Variants in MFHAS1 observed in about 807,000 individuals in gnomAD.
MFHAS1 encodes the protein malignant fibrous histiocytoma-amplified sequence 1.
MFHAS1 carries 50 observed loss-of-function variants against 70.4 expected under a neutral mutation model. The ratio of observed to expected loss-of-function variants is 0.71; its 90% CI spans 0.57 to 0.90. The LOEUF is 0.90. MFHAS1 is among the 40% of genes least tolerant of loss of function. The pLI, the probability that MFHAS1 is intolerant of heterozygous loss-of-function variation, is 0.00. For synonymous variants in MFHAS1, 952 were observed against 620.0 expected, an observed-to-expected ratio of 1.54 and a Z score of -7.96; for missense variants, 1,795 against 1,347.6, an observed-to-expected ratio of 1.33 and a Z score of -5.20.
chr8:8,823,408 G>A (rs1807039512), intron 1 of MFHAS1, among the ~76,000 whole-genome samples: 4 of 152,130 alleles, frequency 2.6e-5, no homozygotes. Flanking sequence ...TCCGATCCTG[G>A]TGCTGCGCTA....
chr8:8,804,907 C>T (rs73664811), intron 1 of MFHAS1, among the ~76,000 whole-genome samples: 10 of 152,120 alleles, frequency 6.6e-5, no homozygotes, highest in Non-Finnish European at 1.2e-4. Context: ...AGAAGACGAT[C>T]GTCCTGACAG....
intron 1 of MFHAS1, among the ~76,000 whole-genome samples, chr8:8,863,761 G>T (rs1428640535): frequency 6.6e-6 from 1 of 152,050 alleles, no homozygotes; most frequent in Non-Finnish European, 1.5e-5. Flanking sequence ...TCATCTCACA[G>T]AACTAATCTA....
At chr8:8,845,111 A>T (rs1355203350) in intron 1 of MFHAS1, among the ~76,000 whole-genome samples, 1 of 152,212 alleles carries the variant, frequency 6.6e-6, no homozygotes, top group African/African-American at 2.4e-5. Context: ...TACGAACAGA[A>T]ATTTAAACTG....
chr8:8,783,572 TAGAA>T lies in MFHAS1; in HGVS notation c.*2446_*2449del, dbSNP rs754183181. The stretch of plus-strand genomic sequence containing the variant: ...ATGAGCACTGTCATTTTTTTTTTCT[TAGAA>T]GGGGGAAAAACATTTATTTTGGCAG... On this transcript the variant is annotated 3_prime_UTR_variant, in exon 3 of 3. Coordinates refer to ENST00000276282, the MANE Select transcript of MFHAS1 (RefSeq NM_004225.3). 1.2e-4 allele frequency: 19 copies of T among 152,144 alleles called. No individual in the cohort carries two copies. The highest frequency in any genetic ancestry group is 2.6e-4 in the Non-Finnish European group (18 of 68,030). 9.4% of individuals were successfully genotyped at this position (152,144 alleles called of 1,614,324 possible).
At chr8:8,813,115 T>A (rs1011966474) in intron 1 of MFHAS1, among the ~76,000 whole-genome samples, 2 of 152,136 alleles carry the variant, frequency 1.3e-5, no homozygotes, top group Non-Finnish European at 2.9e-5. Context: ...TTTATAAGGG[T>A]GGTCCCATAA....
At chr8:8,842,681 A>G (rs969065011) in intron 1 of MFHAS1, among the ~76,000 whole-genome samples, 1 of 152,074 alleles carries the variant, frequency 6.6e-6, no homozygotes, top group African/African-American at 2.4e-5. Flanking sequence ...CCCTGCCCCA[A>G]TCTCTGGACT....
chr8:8,846,107 G>C (rs1287096044), intron 1 of MFHAS1, among the ~76,000 whole-genome samples: 1 of 151,712 alleles, frequency 6.6e-6, no homozygotes, highest in Non-Finnish European at 1.5e-5. Flanking sequence ...ACAAAAATTA[G>C]CTGGACATGG....
intron 1 of MFHAS1, among the ~76,000 whole-genome samples, chr8:8,874,905 TAA>T (rs1285250164): frequency 3.6e-5 from 5 of 139,308 alleles, no homozygotes; most frequent in Admixed American, 7.2e-5. Flanking sequence ...ACACTGTGAT[TAA>T]AAAAAAAAAA....
intron 1 of MFHAS1, among the ~76,000 whole-genome samples, chr8:8,888,943 G>C (rs887410744): frequency 6.6e-6 from 1 of 151,478 alleles, no homozygotes; most frequent in Non-Finnish European, 1.5e-5. Flanking sequence ...TACGCATGTG[G>C]GGAAGGGGAT....
chr8:8,890,095 A>C lies in MFHAS1; in HGVS notation c.2964T>G (p.Leu988=). The change falls in exon 1 of 3, where the codon CTT becomes CTG. Residue 988 remains leucine, a synonymous_variant. Coordinates refer to ENST00000276282, the MANE Select transcript of MFHAS1 (RefSeq NM_004225.3). ...CATGTGGATTGGGCGATCCTCTCTT[A>C]AGGCACTTAGAACAGAGAATGTGCA... The part of the protein sequence containing the change: ...YTVHILCSKC[L]KRGSPNPHAF... 1 of 1,611,744 alleles carries C rather than the reference A, an allele frequency of 6.2e-7. No homozygotes were observed. The highest frequency in any genetic ancestry group is 8.5e-7 in the Non-Finnish European group (1 of 1,178,502).
rs541143461 is a variant in MFHAS1, at chr8:8,806,212, CAG to C, written c.2999-8723_2999-8722del. On this transcript the variant is annotated intron_variant, in intron 1 of 2. Transcript: ENST00000276282. ...GGACGCCCACCTGCTGCAAAAGCGT[CAG>C]AGTCTTGGCATCTCCAGAGTCCCTG... is the stretch of plus-strand genomic sequence containing the variant. Among the ~76,000 whole-genome samples the C allele has an allele frequency of 2.4e-3, 360 of 152,286 alleles. 1 individual carries two copies. Among genetic ancestry groups the C allele is most frequent in the South Asian group, 0.017 (80 of 4,818 alleles).
chr8:8,853,092 C>T (rs901329298), intron 1 of MFHAS1, among the ~76,000 whole-genome samples: 3 of 152,074 alleles, frequency 2.0e-5, no homozygotes, highest in Admixed American at 6.5e-5. Context: ...CTCAAGACCC[C>T]GACTATGCCC....
At chr8:8,824,125 C>T (rs1324539062) in intron 1 of MFHAS1, among the ~76,000 whole-genome samples, 1 of 151,660 alleles carries the variant, frequency 6.6e-6, no homozygotes, top group African/African-American at 2.4e-5. Flanking sequence ...TTTTGTCTGA[C>T]ACCTGACCAG....
At chr8:8,817,554 C>T (rs1168605610) in intron 1 of MFHAS1, among the ~76,000 whole-genome samples, 3 of 152,238 alleles carry the variant, frequency 2.0e-5, no homozygotes, top group Non-Finnish European at 4.4e-5. Flanking sequence ...GCCTCGAGTG[C>T]TGCCGCAGTG....
At chr8:8,809,951 CT>C (rs1806485931) in intron 1 of MFHAS1, among the ~76,000 whole-genome samples, 1 of 152,198 alleles carries the variant, frequency 6.6e-6, no homozygotes, top group Non-Finnish European at 1.5e-5. Flanking sequence ...ATTCATTTTC[CT>C]TGCAAGAGAA....
chr8:8,859,615 A>C (rs1808585973), intron 1 of MFHAS1, among the ~76,000 whole-genome samples: 1 of 152,176 alleles, frequency 6.6e-6, no homozygotes, highest in Admixed American at 6.5e-5. Flanking sequence ...ACCTTCACCG[A>C]TGATTTACTT....
chr8:8,862,488 A>C (rs1808704573), intron 1 of MFHAS1, among the ~76,000 whole-genome samples: 1 of 152,002 alleles, frequency 6.6e-6, no homozygotes, highest in South Asian at 2.1e-4. Flanking sequence ...CAAAGTTTTA[A>C]ATTTAGATTA....
intron 1 of MFHAS1, among the ~76,000 whole-genome samples, chr8:8,823,582 G>C (rs1476671158): frequency 6.6e-6 from 1 of 151,574 alleles, no homozygotes; most frequent in Non-Finnish European, 1.5e-5. Context: ...AATTTTCTAG[G>C]CTTCATAAAA....
At position 8,893,609 on chromosome 8, in the gene MFHAS1, G is replaced by C. The variant is rs1420706960; in HGVS notation, c.-551C>G. ...GCGGGCGCCGCGTCCCCGGCGCTGGGAGGGCGCGATTGGGAAGCGGCAGCG... is the reference window on the plus strand; with the variant it reads ...GCGGGCGCCGCGTCCCCGGCGCTGGCAGGGCGCGATTGGGAAGCGGCAGCG... On this transcript the variant is annotated 5_prime_UTR_variant, in exon 1 of 3. Transcript: ENST00000276282. 1 of 146,852 alleles carries C rather than the reference G, an allele frequency of 6.8e-6. No individual in the cohort carries two copies. The highest frequency in any genetic ancestry group is 6.8e-5 in the Admixed American group (1 of 14,808). The allele number at this position is 146,852 out of a possible 1,614,324, so 9.1% of individuals were successfully genotyped here. A position where few individuals can be genotyped will look rare whatever the true frequency, so the allele number is the denominator to read the frequency against.
Sources: allele counts gnomAD v4.1 joint callset (sites outside exome capture counted in the v4.1 genomes callset), GRCh38; gene constraint gnomAD v4.1.1; transcripts MANE v1.5; gene names NCBI Gene and HGNC (gene_info 2026-07-23, HGNC 2026-07-21).